CNTN4: variants seen among roughly 807,000 people sequenced by gnomAD.
The protein encoded by CNTN4 is contactin 4, also known as contactin-4.
In CNTN4, 77 loss-of-function variants were observed where a neutral mutation model predicts 122.5. The ratio of observed to expected loss-of-function variants is 0.63; its 90% CI spans 0.52 to 0.76. CNTN4 has a LOEUF of 0.76. Ranked by LOEUF, CNTN4 falls within the 30% of genes least tolerant of loss-of-function variation. The probability of loss-of-function intolerance (pLI) is 0.00; values close to 1 mark genes in which losing one functional copy is unlikely to be tolerated. For synonymous variants in CNTN4, 512 were observed against 447.0 expected (o/e 1.15, Z -1.83); for missense variants, 1,256 against 1,259.1 (o/e 1.00, Z 0.04).
intron 4 of CNTN4, among the ~76,000 whole-genome samples, chr3:2,609,021 C>G (rs2081373065): frequency 6.6e-6 from 1 of 152,268 alleles, no homozygotes; most frequent in South Asian, 2.1e-4. Context: ...TTTAAAAACC[C>G]TCATACTTTA....
chr3:2,790,824 T>G (rs1437184671), intron 6 of CNTN4, among the ~76,000 whole-genome samples: 1 of 152,198 alleles, frequency 6.6e-6, no homozygotes, highest in African/African-American at 2.4e-5. Context: ...TGATCTTATT[T>G]TTTATGCAAA....
intron 4 of CNTN4, among the ~76,000 whole-genome samples, chr3:2,659,059 T>A (rs577360710): frequency 6.6e-6 from 1 of 150,966 alleles, no homozygotes; most frequent in African/African-American, 2.4e-5. Context: ...GGTTTAAAAA[T>A]ACAGTGAGAT....
chr3:2,251,850 G>A (rs1261133782), intron 2 of CNTN4, among the ~76,000 whole-genome samples: 2 of 151,798 alleles, frequency 1.3e-5, no homozygotes, highest in African/African-American at 4.8e-5. Flanking sequence ...TGAAACATAA[G>A]TATTATAAAG....
intron 2 of CNTN4, among the ~76,000 whole-genome samples, chr3:2,322,650 T>C (rs541294759): frequency 1.3e-5 from 2 of 152,280 alleles, no homozygotes; most frequent in Admixed American, 1.3e-4. Context: ...GCCACTGAAT[T>C]GTACACTTAA....
chr3:2,469,184 T>C (rs1275458980), intron 3 of CNTN4, among the ~76,000 whole-genome samples: 1 of 152,212 alleles, frequency 6.6e-6, no homozygotes, highest in Admixed American at 6.5e-5. Context: ...CTTTACTAGA[T>C]TGAGAAATAC....
At chr3:2,184,491 A>G (rs1220096775) in intron 2 of CNTN4, among the ~76,000 whole-genome samples, 2 of 152,126 alleles carry the variant, frequency 1.3e-5, no homozygotes, top group South Asian at 2.1e-4. Context: ...TTCAGACACA[A>G]TTGAATTTTT....
At chr3:3,009,789 T>A (rs1472567689) in intron 14 of CNTN4, among the ~76,000 whole-genome samples, 2 of 152,230 alleles carry the variant, frequency 1.3e-5, no homozygotes, top group Non-Finnish European at 2.9e-5. Context: ...TCCTCACATG[T>A]CTATTGACTC....
intron 2 of CNTN4, among the ~76,000 whole-genome samples, chr3:2,299,848 A>G (rs1559429372): frequency 6.6e-6 from 1 of 152,208 alleles, no homozygotes; most frequent in African/African-American, 2.4e-5. Context: ...TTTATCTAAA[A>G]CATAATAGTA....
chr3:2,833,594 A>G (rs9865355), intron 7 of CNTN4, among the ~76,000 whole-genome samples: 69,792 of 151,842 alleles, frequency 0.46, 18,340 homozygotes, highest in East Asian at 0.8. Flanking sequence ...GTTTGAGCGG[A>G]AGAAAAAAAA....
rs138575168 is a variant in CNTN4, at chr3:2,152,720, G to A, written c.-145+52081G>A. The stretch of plus-strand genomic sequence containing the variant: ...AGGAGACACCCACCGTTCCCAGGGC[G>A]TAGTTCTGTATCTGCCTTCCTGAGT... On this transcript the variant is annotated intron_variant, in intron 2 of 24. Coordinates refer to ENST00000418658, the MANE Select transcript of CNTN4 (RefSeq NM_175607.3). Among the ~76,000 whole-genome samples, 218 of 152,288 alleles carry A rather than the reference G, an allele frequency of 1.4e-3. 2 individuals are homozygous for A. Among genetic ancestry groups the A allele is most frequent in the South Asian group, 2.9e-3 (14 of 4,822 alleles).
At chr3:2,445,672 T>G (rs928626387) in intron 3 of CNTN4, among the ~76,000 whole-genome samples, 2 of 152,186 alleles carry the variant, frequency 1.3e-5, no homozygotes, top group Non-Finnish European at 2.9e-5. Context: ...ATTATTATAT[T>G]AATAGTAATT....
chr3:2,599,169 T>G (rs2149723487), intron 4 of CNTN4, among the ~76,000 whole-genome samples: 1 of 152,156 alleles, frequency 6.6e-6, no homozygotes, highest in East Asian at 1.9e-4. Context: ...GACCATGGAG[T>G]GTAGAGTTGG....
At chr3:2,522,194 T>A (rs2077246029) in intron 3 of CNTN4, among the ~76,000 whole-genome samples, 1 of 150,156 alleles carries the variant, frequency 6.7e-6, no homozygotes. Context: ...TGTGTGTGAA[T>A]AATTAATATG....
rs147762735 is a variant in CNTN4, at chr3:2,169,961, G to A, written c.-145+69322G>A. ...ACAATTAAAAGCTTTTAGAACTAAT[G>A]AGTTCACTACATGATGAGAGATAAG... is the stretch of plus-strand genomic sequence containing the variant. On this transcript the variant is annotated intron_variant, in intron 2 of 24. Coordinates refer to ENST00000418658, the MANE Select transcript of CNTN4 (RefSeq NM_175607.3). 2.8e-3 allele frequency among the ~76,000 whole-genome samples: 425 copies of A among 152,234 alleles called. 1 individual carries two copies. Among genetic ancestry groups the A allele is most frequent in the African/African-American group, 9.8e-3 (407 of 41,544 alleles).
chr3:2,913,360 A>T (rs1413048565), intron 12 of CNTN4, among the ~76,000 whole-genome samples: 1 of 152,200 alleles, frequency 6.6e-6, no homozygotes, highest in African/African-American at 2.4e-5. Context: ...TAAAAGATAT[A>T]GCTTGACTGA....
rs10510251 is a variant in CNTN4, at chr3:3,038,927, G to C, written c.2093-6G>C. On this transcript the variant is annotated splice_polypyrimidine_tract_variant and splice_region_variant and intron_variant, in intron 18 of 24. Transcript: ENST00000418658. ...GACATAACTTGTTTTTTGTCTCCTT[G>C]TGCAGTCCCCGAAGTCACACCAGCG... The C allele has an allele frequency of 0.074, 119,963 of 1,613,098 alleles. 5,000 individuals are homozygous for C. Among genetic ancestry groups the C allele is most frequent in the Non-Finnish European group, 0.083 (98,333 of 1,179,094 alleles).
chr3:3,037,428 G>A, intron 18 of CNTN4, 100 bp downstream of exon 18: 3 of 1,486,876 alleles, frequency 2.0e-6, no homozygotes, highest in Admixed American at 1.7e-5. Context: ...ATGCGGCTCT[G>A]TGTTAGCTCA....
At chr3:2,550,483 T>A (rs577471663) in intron 3 of CNTN4, among the ~76,000 whole-genome samples, 1 of 152,134 alleles carries the variant, frequency 6.6e-6, no homozygotes, top group African/African-American at 2.4e-5. Flanking sequence ...GAAATAGGAA[T>A]GCTTTTACAC....
chr3:2,333,649 C>T (rs541784927), intron 2 of CNTN4, among the ~76,000 whole-genome samples: 2 of 152,118 alleles, frequency 1.3e-5, no homozygotes, highest in East Asian at 1.9e-4. Context: ...TGATAGTATT[C>T]GTTGTGAAAT....
Sources: gnomAD v4.1 joint callset for allele counts (sites outside exome capture counted in the v4.1 genomes callset) on GRCh38, gnomAD v4.1.1 for gene constraint, MANE v1.5 for transcripts, NCBI Gene and HGNC (gene_info 2026-07-23, HGNC 2026-07-21) for gene names.